The following SLC35A1 variants were observed in gnomAD, a reference collection of about 807,000 sequenced individuals.
SLC35A1 encodes CMP-sialic acid transporter.
In SLC35A1, 21 loss-of-function variants were observed where a neutral mutation model predicts 40.3. The observed-to-expected ratio is 0.52, with a 90% CI of 0.37 to 0.75. The LOEUF is 0.75. Among genes scored for constraint, SLC35A1 ranks in the 30% least tolerant of loss-of-function variants. SLC35A1 has a pLI of 0.00. For synonymous variants in SLC35A1, 146 were observed against 147.3 expected, an observed-to-expected ratio of 0.99 and a Z score of 0.06; for missense variants, 297 against 382.1, an observed-to-expected ratio of 0.78 and a Z score of 1.86.
At chr6:87,503,855 T>G (rs1769995779) in intron 4 of SLC35A1, among the ~76,000 whole-genome samples, 1 of 152,216 alleles carries the variant, frequency 6.6e-6, no homozygotes, top group East Asian at 1.9e-4. Context: ...GAAGTCACAC[T>G]ATTTTCCACT....
Position 87,511,602 on chromosome 6 carries a change from G to A in SLC35A1, c.*76G>A. The A allele has an allele frequency of 2.0e-6, 3 of 1,499,202 alleles. No individual in the cohort carries two copies. Among genetic ancestry groups the A allele is most frequent in the African/African-American group, 1.4e-5 (1 of 72,590 alleles). The allele number at this position is 1,499,202 out of a possible 1,614,324, so 92.9% of individuals were successfully genotyped here. On this transcript the variant is annotated 3_prime_UTR_variant, in exon 8 of 8. Transcript: ENST00000369552. ...TAGAGCCTTAAGTCAATCTCAGAAG[G>A]TAGCATAAACAAATAAAAATTAACT...
At chr6:87,487,644 G>A (rs1222836274) in intron 2 of SLC35A1, among the ~76,000 whole-genome samples, 1 of 152,094 alleles carries the variant, frequency 6.6e-6, no homozygotes, top group African/African-American at 2.4e-5. Context: ...TTATACTTAG[G>A]AACATCAGAC....
intron 4 of SLC35A1, among the ~76,000 whole-genome samples, chr6:87,503,628 C>T (rs552463738): frequency 6.6e-6 from 1 of 152,216 alleles, no homozygotes. Context: ...AGGAGAATCG[C>T]TTGAACCTGG....
In SLC35A1 at chr6:87,487,431, G is replaced by A. The variant is rs1184415592; in HGVS notation, c.194+9892G>A. On this transcript the variant is annotated intron_variant, in intron 2 of 7. Coordinates refer to ENST00000369552, the MANE Select transcript of SLC35A1 (RefSeq NM_006416.5). The stretch of plus-strand genomic sequence containing the variant: ...CTGCTCCTAGGGGATATACAGGGTA[G>A]TTTCCTGTGAGCAACTGATCACATT... Among the ~76,000 whole-genome samples the A allele has an allele frequency of 3.3e-5, 5 of 152,178 alleles. No homozygotes were observed. The South Asian group carries it at 8.3e-4, about 25-fold the overall frequency.
intron 2 of SLC35A1, among the ~76,000 whole-genome samples, chr6:87,485,716 A>G (rs199950119): frequency 2.6e-5 from 4 of 152,012 alleles, no homozygotes; most frequent in South Asian, 2.1e-4. Flanking sequence ...CCATGATTGT[A>G]CCACTGTACT....
chr6:87,494,822 T>C (rs571314668), intron 2 of SLC35A1, among the ~76,000 whole-genome samples: 1 of 152,352 alleles, frequency 6.6e-6, no homozygotes, highest in East Asian at 1.9e-4. Flanking sequence ...AATTAATTAC[T>C]GCTGCAATTC....
At chr6:87,479,438 C>T (rs942019375) in intron 2 of SLC35A1, among the ~76,000 whole-genome samples, 1 of 152,168 alleles carries the variant, frequency 6.6e-6, no homozygotes, top group African/African-American at 2.4e-5. Context: ...AGAATTGAGG[C>T]TGTTATTCCT....
intron 4 of SLC35A1, 93 bp from the exon 5 acceptor site, chr6:87,506,289 G>C: frequency 1.0e-6 from 1 of 954,830 alleles, no homozygotes; most frequent in South Asian, 1.3e-5. Context: ...CTTTTAGTAA[G>C]ACTGTAACAG....
chr6:87,500,720 G>T, intron 3 of SLC35A1, 53 bp downstream of exon 3: 16 of 1,477,432 alleles, frequency 1.1e-5, no homozygotes, highest in African/African-American at 1.4e-5. Flanking sequence ...GGTAAAAAGA[G>T]TTTTTATTAA....
chr6:87,501,769 T>A (rs1769929511), intron 4 of SLC35A1, among the ~76,000 whole-genome samples: 2 of 152,334 alleles, frequency 1.3e-5, no homozygotes, highest in South Asian at 4.1e-4. Flanking sequence ...CTCTGGCACA[T>A]CTCCCTACTG....
intron 2 of SLC35A1, among the ~76,000 whole-genome samples, chr6:87,498,615 A>G (rs1034066174): frequency 1.3e-5 from 2 of 152,154 alleles, no homozygotes; most frequent in East Asian, 1.9e-4. Context: ...TACCAAAAAT[A>G]CAAAAATAAG....
At chr6:87,487,876 T>A (rs1163317488) in intron 2 of SLC35A1, among the ~76,000 whole-genome samples, 1 of 152,228 alleles carries the variant, frequency 6.6e-6, no homozygotes, top group African/African-American at 2.4e-5. Flanking sequence ...CTGCAAGTGT[T>A]ACCAGCATTG....
At chr6:87,503,543 T>C (rs1467495632) in intron 4 of SLC35A1, among the ~76,000 whole-genome samples, 2 of 152,116 alleles carry the variant, frequency 1.3e-5, no homozygotes, top group Non-Finnish European at 2.9e-5. Flanking sequence ...AAACCCCGTC[T>C]GTACTAAAAA....
chr6:87,487,452 A>C (rs1479647839), intron 2 of SLC35A1, among the ~76,000 whole-genome samples: 1 of 152,188 alleles, frequency 6.6e-6, no homozygotes, highest in Non-Finnish European at 1.5e-5. Context: ...GCAACTGATC[A>C]CATTTTTGTC....
chr6:87,501,081 C>A, intron 3 of SLC35A1, 77 bp from the exon 4 acceptor site: 1 of 1,317,826 alleles, frequency 7.6e-7, no homozygotes, highest in Non-Finnish European at 1.1e-6. Flanking sequence ...ATAATTTTAT[C>A]AATGATACCA....
At chr6:87,502,354 T>C (rs1282589664) in intron 4 of SLC35A1, among the ~76,000 whole-genome samples, 1 of 152,340 alleles carries the variant, frequency 6.6e-6, no homozygotes, top group East Asian at 1.9e-4. Flanking sequence ...AGACTTGTTA[T>C]ACAGTCATGC....
chr6:87,498,718 C>A (rs187807377), intron 2 of SLC35A1, among the ~76,000 whole-genome samples: 1 of 151,954 alleles, frequency 6.6e-6, no homozygotes, highest in South Asian at 2.1e-4. Context: ...TGCAGTGAGC[C>A]GAGATTGCAC....
intron 2 of SLC35A1, among the ~76,000 whole-genome samples, chr6:87,488,717 G>A (rs974349498): frequency 6.6e-6 from 1 of 152,224 alleles, no homozygotes; most frequent in Admixed American, 6.5e-5. Flanking sequence ...TGTTCTTGGT[G>A]AGGTTTTGGA....
At chr6:87,503,392 C>T (rs1300285984) in intron 4 of SLC35A1, among the ~76,000 whole-genome samples, 1 of 152,152 alleles carries the variant, frequency 6.6e-6, no homozygotes, top group Non-Finnish European at 1.5e-5. Flanking sequence ...CAATTAACTA[C>T]CATTTTTCTG....
Sources: gnomAD v4.1 joint callset for allele counts (sites outside exome capture counted in the v4.1 genomes callset) on GRCh38, gnomAD v4.1.1 for gene constraint, MANE v1.5 for transcripts, NCBI Gene and HGNC (gene_info 2026-07-23, HGNC 2026-07-21) for gene names.